The following CDH13 variants were observed in gnomAD, a reference collection of about 807,000 sequenced individuals.
CDH13 encodes cadherin-13.
Under a neutral mutation model 63.8 loss-of-function variants are expected in CDH13, and 24 were observed. That is an observed-to-expected ratio of 0.38 (90% CI 0.27 to 0.53). The LOEUF (loss-of-function observed/expected upper bound fraction) is 0.53, where lower values mean the gene tolerates loss of function less well. Ranked by LOEUF, CDH13 falls within the 20% of genes least tolerant of loss-of-function variation. The pLI, the probability that CDH13 is intolerant of heterozygous loss-of-function variation, is 0.85. For synonymous variants in CDH13, 503 were observed against 355.3 expected (o/e 1.42, Z -4.67); for missense variants, 1,049 against 903.1 (o/e 1.16, Z -2.07).
At chr16:82,822,953 G>A (rs1053060244) in intron 1 of CDH13, among the ~76,000 whole-genome samples, 8 of 152,126 alleles carry the variant, frequency 5.3e-5, no homozygotes, top group Non-Finnish European at 4.4e-5. Flanking sequence ...CTGGAAGTGC[G>A]CTCGCTCATA....
chr16:83,340,787 A>G (rs1567603687), intron 5 of CDH13, among the ~76,000 whole-genome samples: 1 of 152,154 alleles, frequency 6.6e-6, no homozygotes, highest in African/African-American at 2.4e-5. Context: ...GCTACCTACT[A>G]TGGAATTAGT....
chr16:83,462,886 C>T (rs2073215949), intron 6 of CDH13, among the ~76,000 whole-genome samples: 1 of 152,064 alleles, frequency 6.6e-6, no homozygotes, highest in East Asian at 1.9e-4. Context: ...ATACCTAGAT[C>T]CTAGGTACCT....
intron 7 of CDH13, among the ~76,000 whole-genome samples, chr16:83,518,840 G>C (rs1350224483): frequency 3.9e-5 from 6 of 152,138 alleles, no homozygotes; most frequent in Admixed American, 2.6e-4. Flanking sequence ...ATGTGAAGAA[G>C]GATGTGTTGG....
intron 6 of CDH13, among the ~76,000 whole-genome samples, chr16:83,453,287 T>G (rs192361786): frequency 1.8e-3 from 267 of 152,182 alleles, no homozygotes; most frequent in Middle Eastern, 0.01. Context: ...AGGTGATGGA[T>G]GCACCAAAAT....
intron 8 of CDH13, among the ~76,000 whole-genome samples, chr16:83,646,432 G>C (rs2150811405): frequency 6.6e-6 from 1 of 152,226 alleles, no homozygotes; most frequent in East Asian, 1.9e-4. Context: ...CGGACCCAGT[G>C]GTTCACACCT....
chr16:83,146,858 C>T (rs1055388289), intron 4 of CDH13, among the ~76,000 whole-genome samples: 1 of 152,170 alleles, frequency 6.6e-6, no homozygotes, highest in Non-Finnish European at 1.5e-5. Context: ...AAGGCCAAGG[C>T]AGACAGATTC....
At chr16:83,633,713 T>C (rs185933221) in intron 8 of CDH13, among the ~76,000 whole-genome samples, 23 of 152,320 alleles carry the variant, frequency 1.5e-4, no homozygotes, top group Admixed American at 1.4e-3. Flanking sequence ...CTCTCGTTTT[T>C]GTTTCCAAAA....
At chr16:83,173,066 T>G (rs1375767375) in intron 4 of CDH13, among the ~76,000 whole-genome samples, 1 of 152,116 alleles carries the variant, frequency 6.6e-6, no homozygotes, top group African/African-American at 2.4e-5. Context: ...TGTGACTATT[T>G]AAACTAATAT....
intron 5 of CDH13, among the ~76,000 whole-genome samples, chr16:83,291,467 T>G (rs1895538): frequency 6.6e-6 from 1 of 151,870 alleles, no homozygotes. Flanking sequence ...TAGTGCAAAA[T>G]TGGGACAAAG....
intron 8 of CDH13, among the ~76,000 whole-genome samples, chr16:83,644,166 C>T (rs866602305): frequency 3.9e-5 from 6 of 152,324 alleles, no homozygotes; most frequent in Non-Finnish European, 1.5e-5. Flanking sequence ...AGATGTGTCC[C>T]TTGAATGGCC....
Position 83,314,758 on chromosome 16 carries a change from C to T in CDH13, c.637-30104C>T, listed in dbSNP as rs184904420. Among the ~76,000 whole-genome samples, 132 of 152,328 alleles carry T rather than the reference C, an allele frequency of 8.7e-4. 1 individual carries two copies. The highest frequency in any genetic ancestry group is 3.2e-3 in the African/African-American group (132 of 41,586). ...TGGGTACATCATGCTGTAGTTTTCT[C>T]TTTACATGTTGACTTTACATTCCAA... On this transcript the variant is annotated intron_variant, in intron 5 of 13. Transcript: ENST00000567109.
chr16:82,809,112 C>A (rs149859943), intron 1 of CDH13, among the ~76,000 whole-genome samples: 2 of 151,992 alleles, frequency 1.3e-5, no homozygotes, highest in African/African-American at 4.8e-5. Context: ...TTCTAAGATC[C>A]TGCCAAATTA....
chr16:83,465,342 T>A (rs2073283198), intron 6 of CDH13, among the ~76,000 whole-genome samples: 1 of 152,154 alleles, frequency 6.6e-6, no homozygotes. Flanking sequence ...GTCCCTGAGA[T>A]AAAATCTATA....
At chr16:83,633,986 C>A (rs1033004026) in intron 8 of CDH13, among the ~76,000 whole-genome samples, 1 of 152,152 alleles carries the variant, frequency 6.6e-6, no homozygotes, top group Non-Finnish European at 1.5e-5. Context: ...CACCTTGAAC[C>A]CTTCTCTCAG....
At chr16:83,240,072 G>A (rs1367098014) in intron 5 of CDH13, among the ~76,000 whole-genome samples, 1 of 152,186 alleles carries the variant, frequency 6.6e-6, no homozygotes, top group Non-Finnish European at 1.5e-5. Context: ...CAGGGGAACT[G>A]TTGCAAATCG....
At position 83,202,924 on chromosome 16, in the gene CDH13, G is replaced by A. The variant is rs564772122; in HGVS notation, c.484-14421G>A. ...TGGGGAGGGATGGGGTAGGGCAAGG[G>A]CTGAAAAACTTCCTTTTGGGGCCAG... On this transcript the variant is annotated intron_variant, in intron 4 of 13. Coordinates refer to ENST00000567109, the MANE Select transcript of CDH13 (RefSeq NM_001257.5). Among the ~76,000 whole-genome samples the A allele has an allele frequency of 1.4e-4, 21 of 152,218 alleles. No individual in the cohort carries two copies. The South Asian group carries it at 4.4e-3, about 32-fold the overall frequency.
chr16:83,726,330 CTGTT>C (rs1476372607), intron 10 of CDH13: 6 of 152,226 alleles, frequency 3.9e-5, no homozygotes, highest in African/African-American at 9.6e-5. Flanking sequence ...ACCGGGGTGT[CTGTT>C]CGGGTTTTGG....
rs558451239 is a variant in CDH13, at chr16:83,546,481, T to C, written c.961-55973T>C. On this transcript the variant is annotated intron_variant, in intron 7 of 13. Coordinates refer to ENST00000567109, the MANE Select transcript of CDH13 (RefSeq NM_001257.5). ...AAATAGCTATTGCTTCTTTTTTTTT[T>C]CTCTGGGTTCAAGACGTTCTGGAAA... 5.9e-5 allele frequency among the ~76,000 whole-genome samples: 9 copies of C among 152,192 alleles called. No homozygotes were observed. In the South Asian group the frequency reaches 6.2e-4, roughly 11 times the overall value.
At chr16:83,502,842 C>A (rs1038292408) in intron 7 of CDH13, among the ~76,000 whole-genome samples, 3 of 152,172 alleles carry the variant, frequency 2.0e-5, no homozygotes, top group Admixed American at 6.5e-5. Context: ...GAGGCACAGT[C>A]CACTTGACCA....
Sources: allele counts gnomAD v4.1 joint callset (sites outside exome capture counted in the v4.1 genomes callset), GRCh38; gene constraint gnomAD v4.1.1; transcripts MANE v1.5; gene names NCBI Gene and HGNC (gene_info 2026-07-23, HGNC 2026-07-21).